Variants in SPEG observed in about 807,000 individuals in gnomAD.
SPEG encodes the protein striated muscle enriched protein kinase.
A neutral mutation model predicts 300.4 loss-of-function variants in SPEG; 114 were observed. That is an observed-to-expected ratio of 0.38 (90% CI 0.33 to 0.44). SPEG has a LOEUF of 0.44. SPEG is among the 20% of genes least tolerant of loss of function. SPEG has a pLI of 1.00. For synonymous variants in SPEG, 1,964 were observed against 2,018.9 expected, an observed-to-expected ratio of 0.97 and a Z score of 0.73; for missense variants, 4,201 against 4,586.2, an observed-to-expected ratio of 0.92 and a Z score of 2.43.
chr2:219,483,601 C>G lies in SPEG; in HGVS notation c.6138C>G (p.Pro2046=). Residue 2046 remains proline (P), a synonymous_variant, in exon 30 of 41, where the codon CCC becomes CCG. Coordinates refer to ENST00000312358, the MANE Select transcript of SPEG (RefSeq NM_005876.5). ...ASVELPQRRS[P]SPGATRLARG... is the part of the protein sequence containing the mutation. ...TGGAGCTGCCGCAGCGCCGGAGCCC[C>G]AGCCCGGGAGCCACCCGCCTGGCCC... The G allele has an allele frequency of 6.7e-7, 1 of 1,493,978 alleles. No homozygotes were observed. Among genetic ancestry groups the G allele is most frequent in the Non-Finnish European group, 8.8e-7 (1 of 1,131,216 alleles). The allele number at this position is 1,493,978 out of a possible 1,614,324, so 92.5% of individuals were successfully genotyped here. A position where few individuals can be genotyped will look rare whatever the true frequency, so the allele number is the denominator to read the frequency against.
At position 219,492,129 on chromosome 2, in the gene SPEG, G is replaced by A. The variant is rs529902389; in HGVS notation, c.9480G>A (p.Pro3160=). ...LTYIMLSGRS[P]FYEPDPQETE... ...CCAACAGGCTCAGTGGACGCTCCCCGTTCTATGAGCCAGACCCCCAGGAAA... is the reference window on the plus strand; with the variant it reads ...CCAACAGGCTCAGTGGACGCTCCCCATTCTATGAGCCAGACCCCCAGGAAA... The change falls in exon 40 of 41, where the codon CCG becomes CCA. Residue 3160 remains proline, a synonymous_variant. Transcript: ENST00000312358. 1.5e-4 allele frequency: 249 copies of A among 1,613,166 alleles called. 3 individuals are homozygous for A. The South Asian group carries it at 2.3e-3, about 15-fold the overall frequency.
chr2:219,437,496 TA>T (rs1246396951), intron 1 of SPEG, among the ~76,000 whole-genome samples: 1 of 151,844 alleles, frequency 6.6e-6, no homozygotes, highest in Non-Finnish European at 1.5e-5. Flanking sequence ...AGGCTTGGGG[TA>T]AGAAAAGGGC....
chr2:219,468,612 G>T lies in SPEG; in HGVS notation c.3177G>T (p.Arg1059=). 1.9e-6 allele frequency: 3 copies of T among 1,613,738 alleles called. No homozygotes were observed. In the South Asian group the frequency reaches 3.3e-5, roughly 18 times the overall value. ...ELTCSARLTV[R]PSLAPLFTRL... is the part of the protein sequence containing the mutation. ...CCTGCAGTGCCCGGCTGACCGTGCG[G>T]CCCTCGTTGGCACCCCTGTTCACAC... The change falls in exon 11 of 41, where the codon CGG becomes CGT. Residue 1059 remains arginine, a synonymous_variant. Transcript: ENST00000312358.
In SPEG at chr2:219,444,192, G is replaced by A. The variant is rs1413374138; in HGVS notation, c.389-461G>A. The A allele has an allele frequency of 5.2e-6, 3 of 580,310 alleles. No homozygotes were observed. The highest frequency in any genetic ancestry group is 1.5e-5 in the South Asian group (1 of 66,256). The allele number at this position is 580,310 out of a possible 1,614,324, so 35.9% of individuals were successfully genotyped here. ...GGGGTAGAGGACAGGCTGGCCCCGC[G>A]GTTGGTCGAGTGCCCTGGCAGTACG... On this transcript the variant is annotated intron_variant, in intron 1 of 40. Transcript: ENST00000312358. The surrounding 1 kb of genome is among the most constrained non-coding windows in gnomAD (Gnocchi z 7.8).
Position 219,445,509 on chromosome 2 carries a change from C to A in SPEG, c.815+348C>A. 1 of 367,474 alleles carries A rather than the reference C, an allele frequency of 2.7e-6. No homozygotes were observed. Among genetic ancestry groups the A allele is most frequent in the Admixed American group, 4.4e-5 (1 of 22,548 alleles). 22.8% of individuals were successfully genotyped at this position (367,474 alleles called of 1,614,324 possible). A position where few individuals can be genotyped will look rare whatever the true frequency, so the allele number is the denominator to read the frequency against. On this transcript the variant is annotated intron_variant, in intron 3 of 40. Coordinates refer to ENST00000312358, the MANE Select transcript of SPEG (RefSeq NM_005876.5). The surrounding 1 kb of genome is among the most constrained non-coding windows in gnomAD (Gnocchi z 6.1). The stretch of plus-strand genomic sequence containing the variant: ...TTGTCCCCAGGATCCCTCCCCCGAC[C>A]CGGGGGCCCCCTTGGTGCCTGCTGT...
rs368875454 is a variant in SPEG at position 219,490,545 on chromosome 2, G to C, written c.9058G>C (p.Glu3020Gln). The C allele has an allele frequency of 1.9e-5, 31 of 1,613,532 alleles. No individual in the cohort carries two copies. The African/African-American group carries it at 4.1e-4, about 22-fold the overall frequency. Residue 3020 changes from glutamate (E) to glutamine (Q), a missense_variant, in exon 37 of 41, where the codon GAG becomes CAG. Physicochemically the swap from Glu to Gln is conservative, Grantham distance 29 (BLOSUM62 2). Coordinates refer to ENST00000312358, the MANE Select transcript of SPEG (RefSeq NM_005876.5). ...EYEVLRTLHH[E>Q]RIMSLHEAYI... ...CGAGGTGCTGCGGACCCTGCACCAC[G>C]AGCGGATCATGTCCCTGCACGAGGC...
Position 219,467,431 on chromosome 2 carries a change from A to G in SPEG, c.3139A>G (p.Lys1047Glu), listed in dbSNP as rs1559394132. The G allele has an allele frequency of 6.3e-7, 1 of 1,598,774 alleles. No homozygotes were observed. Among genetic ancestry groups the G allele is most frequent in the Non-Finnish European group, 8.5e-7 (1 of 1,170,370 alleles). Residue 1047 changes from lysine to glutamate, a missense_variant, in exon 10 of 41, where the codon AAA (lysine) becomes GAA (glutamate). Lys to Glu is a moderately conservative substitution (Grantham distance 56, BLOSUM62 1). Transcript: ENST00000312358. ...CTACACCTGCAAGCTCAGCACGGCC[A>G]AAGGTAACTCCCCACTCAGGCATTG... ...GVYTCKLSTA[K>E]DELTCSARLT...
In SPEG at chr2:219,444,702, C is replaced by T. The variant is rs761275656; in HGVS notation, c.438C>T (p.Arg146=). The T allele has an allele frequency of 3.1e-6, 5 of 1,613,908 alleles. No homozygotes were observed. In the South Asian group the frequency reaches 5.5e-5, roughly 18 times the overall value. Residue 146 remains arginine (R), a synonymous_variant, in exon 2 of 41, where the codon CGC becomes CGT. Coordinates refer to ENST00000312358, the MANE Select transcript of SPEG (RefSeq NM_005876.5). The surrounding 1 kb of genome is among the most constrained non-coding windows in gnomAD (Gnocchi z 7.8). The part of the protein sequence containing the change: ...DDISDVQGTQ[R]LELRDDGAFS... ...TCAGCGATGTGCAGGGAACCCAGCG[C>T]CTGGAGCTTCGGGATGACGGGGCCT...
intron 18 of SPEG, among the ~76,000 whole-genome samples, chr2:219,474,948 A>C (rs1692211362): frequency 6.6e-6 from 1 of 151,906 alleles, no homozygotes; most frequent in African/African-American, 2.4e-5. Flanking sequence ...ACGCCCAGCA[A>C]ATTTTTTGTA....
rs980988843 is a variant in SPEG at position 219,459,944 on chromosome 2, T to C, written c.2441-1938T>C. Among the ~76,000 whole-genome samples, 3 of 151,444 alleles carry C rather than the reference T, an allele frequency of 2.0e-5. No homozygotes were observed. Among genetic ancestry groups the C allele is most frequent in the Non-Finnish European group, 4.4e-5 (3 of 67,830 alleles). ...TGTGGCCCCGGGTTGCGGGGTGAGGTGATAGGAAGAGGGAGAAGGACATGT... is the reference window on the plus strand; with the variant it reads ...TGTGGCCCCGGGTTGCGGGGTGAGGCGATAGGAAGAGGGAGAAGGACATGT... On this transcript the variant is annotated intron_variant, in intron 6 of 40. Transcript: ENST00000312358. This position sits in a 1 kb window ranked among gnomAD's most constrained non-coding sequence, Gnocchi z 4.9.
At position 219,489,636 on chromosome 2, in the gene SPEG, AG is replaced by A; in HGVS notation, c.8619del (p.Lys2873AsnfsTer31). 1 of 1,613,900 alleles carries A rather than the reference AG, an allele frequency of 6.2e-7. No homozygotes were observed. The highest frequency in any genetic ancestry group is 1.1e-5 in the South Asian group (1 of 91,086). On this transcript the variant is annotated frameshift_variant, in exon 36 of 41. Transcript: ENST00000312358. LOFTEE classifies it high-confidence loss of function. The stretch of plus-strand genomic sequence containing the variant: ...ACCCACGTCACCCCAAGTGAGCCCA[AG>A]CCTTTCGTCCTTGACACTGGGACCC... ...PSTHVTPSEP[K>X]PFVLDTGTPI...
chr2:219,470,206 C>T (rs557897670), intron 13 of SPEG, among the ~76,000 whole-genome samples: 7 of 152,292 alleles, frequency 4.6e-5, no homozygotes, highest in Non-Finnish European at 8.8e-5. Flanking sequence ...GCCTATAAGG[C>T]GGATACTATT....
rs750447579 is a variant in SPEG, at chr2:219,477,290, T to A, written c.4574T>A (p.Leu1525Gln). ...DIMWYKDEVL[L>Q]TESSHVSFVY... ...CCCACTCTGCAGGACGAGGTGCTGC[T>A]GACCGAGAGCAGCCATGTGAGCTTC... The change falls in exon 20 of 41, where the codon CTG becomes CAG. Residue 1525 changes from leucine (L) to glutamine (Q), a missense_variant. Physicochemically the swap from Leu to Gln is moderately radical, Grantham distance 113. Coordinates refer to ENST00000312358, the MANE Select transcript of SPEG (RefSeq NM_005876.5). The surrounding 1 kb of genome is among the most constrained non-coding windows in gnomAD (Gnocchi z 6.4). 6.2e-7 allele frequency: 1 copy of A among 1,612,014 alleles called. No individual in the cohort carries two copies. Among genetic ancestry groups the A allele is most frequent in the Non-Finnish European group, 8.5e-7 (1 of 1,179,570 alleles).
intron 9 of SPEG, chr2:219,465,955 GTGCGTGTGCA>G (rs1273058851): frequency 2.2e-5 from 22 of 983,134 alleles, no homozygotes; most frequent in Admixed American, 9.7e-5. Flanking sequence ...GCGTGCATGT[GTGCGTGTGCA>G]TGCGTGTGTG....
chr2:219,442,965 T>A, intron 1 of SPEG: 1 of 699,588 alleles, frequency 1.4e-6, no homozygotes, highest in Non-Finnish European at 2.5e-6. Flanking sequence ...CTGGTCACTC[T>A]GGGTCTCTGC....
At position 219,484,631 on chromosome 2, in the gene SPEG, C is replaced by T. The variant is rs1213809866; in HGVS notation, c.7168C>T (p.Arg2390Cys). ...GCTGGAGCTGGTGCGACGGCCTGAG[C>T]GCTCACGCTCGGTGCAGGACCTCAG... ...TPLELVRRPE[R>C]SRSVQDLRAV... Residue 2390 changes from arginine (R) to cysteine (C), a missense_variant, in exon 30 of 41, where the codon CGC (arginine) becomes TGC (cysteine). This residue lies in a region of SPEG where 1,578 missense variants were observed against 1,506.0 expected (regional missense o/e 1.05). Coordinates refer to ENST00000312358, the MANE Select transcript of SPEG (RefSeq NM_005876.5). 3.9e-6 allele frequency: 6 copies of T among 1,541,136 alleles called. No individual in the cohort carries two copies. Among genetic ancestry groups the T allele is most frequent in the Admixed American group, 1.9e-5 (1 of 51,462 alleles).
At position 219,483,485 on chromosome 2, in the gene SPEG, G is replaced by C. The variant is rs1192605065; in HGVS notation, c.6022G>C (p.Gly2008Arg). The C allele has an allele frequency of 6.9e-7, 1 of 1,450,506 alleles. No individual in the cohort carries two copies. 89.9% of individuals were successfully genotyped at this position (1,450,506 alleles called of 1,614,324 possible). A position where few individuals can be genotyped will look rare whatever the true frequency, so the allele number is the denominator to read the frequency against. The stretch of plus-strand genomic sequence containing the variant: ...CGCAGCTGGGGCTAGCCCCAGGCGG[G>C]GAGAGCTCCGCAGGGGCAGCTCGGC... ...EPAAGASPRR[G>R]ELRRGSSAES... The change falls in exon 30 of 41, where the codon GGA becomes CGA. Residue 2008 changes from glycine to arginine, a missense_variant. Gly to Arg is a moderately radical substitution (Grantham distance 125). This residue lies in a region of SPEG where 1,578 missense variants were observed against 1,506.0 expected (regional missense o/e 1.05). Coordinates refer to ENST00000312358, the MANE Select transcript of SPEG (RefSeq NM_005876.5).
Position 219,484,079 on chromosome 2 carries a change from C to T in SPEG, c.6616C>T (p.Pro2206Ser), listed in dbSNP as rs752933216. Residue 2206 changes from proline (P) to serine (S), a missense_variant, in exon 30 of 41, where the codon CCC (proline) becomes TCC (serine). Pro to Ser is a moderately conservative substitution (Grantham distance 74). This residue lies in a region of SPEG where 1,578 missense variants were observed against 1,506.0 expected (regional missense o/e 1.05). Transcript: ENST00000312358. ...ATTPSDAPQPPAPQPAQDKAP... is the reference protein window; with the variant it reads ...ATTPSDAPQPSAPQPAQDKAP... ...CACACCTAGTGATGCTCCGCAGCCC[C>T]CCGCACCCCAGCCTGCCCAAGACAA... 5 of 1,613,624 alleles carry T rather than the reference C, an allele frequency of 3.1e-6. No individual in the cohort carries two copies. In the South Asian group the frequency reaches 3.3e-5, roughly 11 times the overall value.
chr2:219,488,732 T>C, intron 33 of SPEG, 46 bp from the exon 34 acceptor site: 1 of 1,611,756 alleles, frequency 6.2e-7, no homozygotes. Context: ...GAGGGGTTCT[T>C]AGCTAGGGTA....
Sources: gnomAD v4.1 joint callset for allele counts (sites outside exome capture counted in the v4.1 genomes callset) on GRCh38, gnomAD v4.1.1 for gene constraint, gnomAD v4.1.1 regional missense constraint, Gnocchi (gnomAD v3.1) non-coding constraint, MANE v1.5 for transcripts, NCBI Gene and HGNC (gene_info 2026-07-23, HGNC 2026-07-21) for gene names.